The following GABRP variants were observed in gnomAD, a reference collection of about 807,000 sequenced individuals.
GABRP encodes the protein gamma-aminobutyric acid receptor subunit pi.
GABRP carries 52 observed loss-of-function variants against 47.8 expected under a neutral mutation model. The observed-to-expected ratio is 1.09, with a 90% CI of 0.87 to 1.37. The LOEUF (loss-of-function observed/expected upper bound fraction) is 1.37, where lower values mean the gene tolerates loss of function less well. Ranked by LOEUF, GABRP falls within the 40% of genes most tolerant of loss-of-function variation. The pLI is 0.00. For missense variants in GABRP, 525 were observed against 542.8 expected (o/e 0.97, Z 0.33); for synonymous variants, 221 against 205.8 (o/e 1.07, Z -0.63).
chr5:170,790,370 C>A (rs148523135), intron 3 of GABRP, among the ~76,000 whole-genome samples: 1 of 152,090 alleles, frequency 6.6e-6, no homozygotes, highest in African/African-American at 2.4e-5. Flanking sequence ...AGTGTGTAAG[C>A]CTGAGGCACA....
intron 8 of GABRP, 52 bp downstream of exon 8, chr5:170,808,804 C>CT (rs755183882): frequency 1.3e-6 from 2 of 1,524,236 alleles, no homozygotes; most frequent in Admixed American, 1.8e-5. Flanking sequence ...AGGTTACTTA[C>CT]TTTTTTTCCT....
At chr5:170,792,988 A>AG (rs1382341228) in intron 3 of GABRP, among the ~76,000 whole-genome samples, 2 of 152,062 alleles carry the variant, frequency 1.3e-5, no homozygotes, top group Admixed American at 1.3e-4. Flanking sequence ...TACGGAAGAG[A>AG]GGGGGAAGGG....
intron 4 of GABRP, 155 bp downstream of exon 4, chr5:170,794,453 A>G: frequency 2.2e-6 from 1 of 448,302 alleles, no homozygotes; most frequent in East Asian, 3.3e-5. Flanking sequence ...GCTATCTCCA[A>G]ACTCAAGACA....
Position 170,812,063 on chromosome 5 carries a change from C to A in GABRP, c.1128C>A (p.Asp376Glu). The change falls in exon 10 of 10, where the codon GAC becomes GAA. Residue 376 changes from aspartate to glutamate, a missense_variant. Transcript: ENST00000265294. ...ISFASIEISS[D>E]NVDYSDLTMK... ...TTGCCAGCATTGAAATTTCCAGCGA[C>A]AACGTTGACTACAGTGACTTGACAA... 6.2e-7 allele frequency: 1 copy of A among 1,614,176 alleles called. No homozygotes were observed. The highest frequency in any genetic ancestry group is 8.5e-7 in the Non-Finnish European group (1 of 1,180,032).
At chr5:170,792,895 G>A (rs141526098) in intron 3 of GABRP, among the ~76,000 whole-genome samples, 23 of 152,220 alleles carry the variant, frequency 1.5e-4, no homozygotes, top group African/African-American at 5.1e-4. Flanking sequence ...AGGTACCCCC[G>A]GGGGTTATTT....
intron 9 of GABRP, 49 bp from the exon 10 acceptor site, chr5:170,811,907 A>T (rs1765893337): frequency 1.3e-6 from 2 of 1,534,754 alleles, no homozygotes; most frequent in African/African-American, 1.4e-5. Context: ...CTACTTATTT[A>T]TTTTGCTGAG....
Position 170,795,357 on chromosome 5 carries a change from C to T in GABRP, c.390C>T (p.Leu130=), listed in dbSNP as rs1765398685. The change falls in exon 5 of 10, where the codon CTC becomes CTT. Residue 130 remains leucine (L), a synonymous_variant. Transcript: ENST00000265294. ...TYIVESKKSF[L]HEVTVGNRLI... is the part of the protein sequence containing the mutation. ...TTGTGGAGTCCAAGAAGTCCTTCCT[C>T]CATGAAGTCACTGTGGGAAACAGGC... The T allele has an allele frequency of 4.3e-6, 7 of 1,614,098 alleles. No homozygotes were observed. Among genetic ancestry groups the T allele is most frequent in the Middle Eastern group, 1.6e-4 (1 of 6,062 alleles).
Position 170,788,686 on chromosome 5 carries a change from CA to C in GABRP, c.53+19del. Reference sequence around the variant, plus strand: ...ACTGAGAGGTGAGCTTTGCTACCCCCAGAATGGCCTCCATCTGCGTTGCTTT... The same window carrying C: ...ACTGAGAGGTGAGCTTTGCTACCCCCGAATGGCCTCCATCTGCGTTGCTTT... On this transcript the variant is annotated intron_variant, in intron 2 of 9. Coordinates refer to ENST00000265294, the MANE Select transcript of GABRP (RefSeq NM_014211.3). The C allele has an allele frequency of 6.2e-7, 1 of 1,613,040 alleles. No homozygotes were observed. The highest frequency in any genetic ancestry group is 1.1e-5 in the South Asian group (1 of 91,058).
chr5:170,791,631 G>A (rs1298992853), intron 3 of GABRP, among the ~76,000 whole-genome samples: 1 of 151,386 alleles, frequency 6.6e-6, no homozygotes. Flanking sequence ...GCAAAGCCTA[G>A]ATTAGACGGT....
intron 6 of GABRP, among the ~76,000 whole-genome samples, chr5:170,805,383 T>G (rs1765702462): frequency 6.6e-6 from 1 of 152,196 alleles, no homozygotes; most frequent in Non-Finnish European, 1.5e-5. Context: ...TGAAAGGCAG[T>G]ATCTTTGCGT....
At position 170,813,895 on chromosome 5, in the gene GABRP, G is replaced by C. The variant is rs1426922992; in HGVS notation, c.*1637G>C. The stretch of plus-strand genomic sequence containing the variant: ...GTGCTGGTGAAAAGAGGTGAAATGT[G>C]GTTGTATGAGCCAATCATATTTGTG... On this transcript the variant is annotated 3_prime_UTR_variant, in exon 10 of 10. Transcript: ENST00000265294. The C allele has an allele frequency of 2.6e-5, 4 of 152,074 alleles. No homozygotes were observed. Among genetic ancestry groups the C allele is most frequent in the Admixed American group, 1.3e-4 (2 of 15,268 alleles). 9.4% of individuals were successfully genotyped at this position (152,074 alleles called of 1,614,324 possible).
chr5:170,789,249 T>C lies in GABRP; in HGVS notation c.172+2T>C. On this transcript the variant is annotated splice_donor_variant, in intron 3 of 9. Transcript: ENST00000265294. LOFTEE classifies it high-confidence loss of function. Reference sequence around the variant, plus strand: ...AATTTCTCAGGCCCAATTTTGGTGGTAGGTCATCCTCTGTGTCCAGGACAT... The same window carrying C: ...AATTTCTCAGGCCCAATTTTGGTGGCAGGTCATCCTCTGTGTCCAGGACAT... 6.3e-7 allele frequency: 1 copy of C among 1,584,484 alleles called. No individual in the cohort carries two copies. Among genetic ancestry groups the C allele is most frequent in the Non-Finnish European group, 8.7e-7 (1 of 1,153,344 alleles).
intron 7 of GABRP, 78 bp downstream of exon 7, chr5:170,805,931 G>A (rs922311417): frequency 6.3e-5 from 95 of 1,505,298 alleles, no homozygotes; most frequent in Admixed American, 2.1e-4. Flanking sequence ...CAGAAATATC[G>A]TCTTCTCACT....
intron 6 of GABRP, among the ~76,000 whole-genome samples, chr5:170,805,112 A>C (rs963696587): frequency 2.7e-5 from 4 of 150,820 alleles, no homozygotes; most frequent in Non-Finnish European, 5.9e-5. Context: ...AATTGAGGAA[A>C]TATAGAAATG....
intron 6 of GABRP, 81 bp from the exon 7 acceptor site, chr5:170,805,635 C>G (rs1765712118): frequency 6.8e-7 from 1 of 1,469,308 alleles, no homozygotes; most frequent in Non-Finnish European, 9.3e-7. Flanking sequence ...CATGCTGTCT[C>G]CATATTATAG....
chr5:170,812,325 T>A lies in GABRP; in HGVS notation c.*67T>A. ...ACAAGATAATGATGTAAATGGTATT[T>A]TAGGCCAAGTGTGCACCCACATCCA... On this transcript the variant is annotated 3_prime_UTR_variant, in exon 10 of 10. Transcript: ENST00000265294. The A allele has an allele frequency of 1.5e-6, 2 of 1,294,814 alleles. No homozygotes were observed. Among genetic ancestry groups the A allele is most frequent in the Non-Finnish European group, 2.2e-6 (2 of 920,866 alleles). The allele number at this position is 1,294,814 out of a possible 1,614,324, so 80.2% of individuals were successfully genotyped here.
At chr5:170,783,084 A>G (rs1300012953), upstream of GABRP, among the ~76,000 whole-genome samples, 2 of 152,102 alleles carry the variant, frequency 1.3e-5, no homozygotes, top group South Asian at 2.1e-4. Flanking sequence ...CCTCTGTGTG[A>G]GAGCAGGATG....
chr5:170,795,832 C>A (rs992841684), intron 5 of GABRP, among the ~76,000 whole-genome samples: 5 of 152,166 alleles, frequency 3.3e-5, no homozygotes, highest in Non-Finnish European at 7.4e-5. Context: ...ATGGCAGAGA[C>A]GACAGAGAGG....
At chr5:170,801,904 C>T (rs1765605181) in intron 6 of GABRP, among the ~76,000 whole-genome samples, 1 of 151,802 alleles carries the variant, frequency 6.6e-6, no homozygotes, top group African/African-American at 2.4e-5. Flanking sequence ...TGGAATGAGA[C>T]ATAGGGCATC....
Sources: allele counts gnomAD v4.1 joint callset (sites outside exome capture counted in the v4.1 genomes callset), GRCh38; gene constraint gnomAD v4.1.1; transcripts MANE v1.5; gene names NCBI Gene and HGNC (gene_info 2026-07-23, HGNC 2026-07-21).